The following AKAP6 variants were observed in gnomAD, a reference collection of about 807,000 sequenced individuals.
The protein encoded by AKAP6 is A-kinase anchoring protein 6, also known as A-kinase anchor protein 6.
A neutral mutation model predicts 188.5 loss-of-function variants in AKAP6; 58 were observed. The observed-to-expected ratio is 0.31, with a 90% CI of 0.25 to 0.38. The LOEUF (loss-of-function observed/expected upper bound fraction) is 0.38. AKAP6 is among the 10% of genes least tolerant of loss of function. The pLI, the probability that AKAP6 is intolerant of heterozygous loss-of-function variation, is 1.00. For synonymous variants in AKAP6, 989 were observed against 998.6 expected (o/e 0.99, Z 0.18); for missense variants, 2,710 against 2,740.0 (o/e 0.99, Z 0.24).
chr14:32,468,846 T>G (rs892178873), intron 2 of AKAP6, among the ~76,000 whole-genome samples: 6 of 152,146 alleles, frequency 3.9e-5, no homozygotes, highest in Non-Finnish European at 8.8e-5. Context: ...AACAATCTTA[T>G]TCCACCTTCA....
rs1407739566 is a variant in AKAP6, at chr14:32,837,512, T to C, written c.*7707T>C. On this transcript the variant is annotated 3_prime_UTR_variant, in exon 14 of 14. Transcript: ENST00000280979. The stretch of plus-strand genomic sequence containing the variant: ...AATACTCTAAGGTTTATAGAATTAG[T>C]TTGGTTCCGTTAGTTGATCAAGTTA... 1 of 152,192 alleles carries C rather than the reference T, an allele frequency of 6.6e-6. No individual in the cohort carries two copies. The allele number at this position is 152,192 out of a possible 1,614,324, so 9.4% of individuals were successfully genotyped here. A position where few individuals can be genotyped will look rare whatever the true frequency, so the allele number is the denominator to read the frequency against.
intron 2 of AKAP6, among the ~76,000 whole-genome samples, chr14:32,449,526 A>C (rs1890867050): frequency 1.1e-5 from 1 of 89,884 alleles, no homozygotes; most frequent in Non-Finnish European, 1.8e-5. Context: ...CATCTCAAAA[A>C]AAAAAAAAAA....
intron 4 of AKAP6, among the ~76,000 whole-genome samples, chr14:32,572,255 A>G (rs766741948): frequency 1.3e-5 from 2 of 152,204 alleles, no homozygotes; most frequent in Non-Finnish European, 2.9e-5. Flanking sequence ...GACCATAATC[A>G]ACACCATCTC....
At chr14:32,359,750 A>G (rs904984296) in intron 1 of AKAP6, among the ~76,000 whole-genome samples, 1 of 152,078 alleles carries the variant, frequency 6.6e-6, no homozygotes, top group Middle Eastern at 3.2e-3. Flanking sequence ...ATGTCCTTCA[A>G]TTTGAGTCTG....
chr14:32,660,748 A>G (rs1195174268), intron 7 of AKAP6, among the ~76,000 whole-genome samples: 2 of 152,074 alleles, frequency 1.3e-5, no homozygotes, highest in South Asian at 4.1e-4. Flanking sequence ...GAAAGGTTAG[A>G]TGTTCACAGA....
At chr14:32,683,696 G>T (rs776412758) in intron 8 of AKAP6, among the ~76,000 whole-genome samples, 3 of 152,180 alleles carry the variant, frequency 2.0e-5, no homozygotes, top group Non-Finnish European at 4.4e-5. Context: ...AATGACAAGG[G>T]TGTTTCTCAC....
chr14:32,663,224 G>C (rs554006635), intron 7 of AKAP6, among the ~76,000 whole-genome samples: 1 of 152,110 alleles, frequency 6.6e-6, no homozygotes, highest in African/African-American at 2.4e-5. Flanking sequence ...TTGTTTTCTA[G>C]TACAAGAAGA....
chr14:32,777,982 T>A (rs2033120296), intron 12 of AKAP6, among the ~76,000 whole-genome samples: 1 of 152,138 alleles, frequency 6.6e-6, no homozygotes, highest in Non-Finnish European at 1.5e-5. Context: ...GTGGCTGCAG[T>A]GAGCTGTGTT....
chr14:32,559,000 T>A (rs1883812301), intron 4 of AKAP6, among the ~76,000 whole-genome samples: 1 of 152,206 alleles, frequency 6.6e-6, no homozygotes, highest in Non-Finnish European at 1.5e-5. Context: ...TAGTTAGAAA[T>A]AACTTTGTTA....
chr14:32,546,623 A>G lies in AKAP6; in HGVS notation c.1970A>G (p.Lys657Arg). 1 of 1,614,186 alleles carries G rather than the reference A, an allele frequency of 6.2e-7. No homozygotes were observed. Among genetic ancestry groups the G allele is most frequent in the East Asian group, 2.2e-5 (1 of 44,878 alleles). ...AACCTAACAAAGCTTCTGCCTCAGA[A>G]ACCCAGAGGAGAAACCATCCAGAAT... ...LENLTKLLPQ[K>R]PRGETIQNID... Residue 657 changes from lysine (K) to arginine (R), a missense_variant, in exon 4 of 14, where the codon AAA (lysine) becomes AGA (arginine). Lys to Arg is a conservative substitution (Grantham distance 26, BLOSUM62 2). Coordinates refer to ENST00000280979, the MANE Select transcript of AKAP6 (RefSeq NM_004274.5).
intron 2 of AKAP6, among the ~76,000 whole-genome samples, chr14:32,508,346 TA>T (rs1880980150): frequency 6.6e-6 from 1 of 152,178 alleles, no homozygotes; most frequent in Non-Finnish European, 1.5e-5. Flanking sequence ...TGATAGTTCA[TA>T]TGGGAACAGG....
At position 32,545,566 on chromosome 14, in the gene AKAP6, G is replaced by A; in HGVS notation, c.913G>A (p.Gly305Ser). Residue 305 changes from glycine to serine, a missense_variant, in exon 4 of 14, where the codon GGT (glycine) becomes AGT (serine). Gly to Ser is a moderately conservative substitution (Grantham distance 56, BLOSUM62 0). Transcript: ENST00000280979. ...SQVSLSVDDK[G>S]GCEEDNASAV... ...AGTATCTCTCTCAGTAGACGACAAA[G>A]GTGGATGTGAGGAAGACAATGCTTC... The A allele has an allele frequency of 3.7e-6, 6 of 1,614,188 alleles. No homozygotes were observed. Among genetic ancestry groups the A allele is most frequent in the Non-Finnish European group, 5.1e-6 (6 of 1,180,024 alleles).
At chr14:32,575,449 C>G (rs1036680343) in intron 4 of AKAP6, among the ~76,000 whole-genome samples, 2 of 152,102 alleles carry the variant, frequency 1.3e-5, no homozygotes, top group Admixed American at 6.6e-5. Flanking sequence ...TGATGACCAA[C>G]AGAAACCTCA....
Position 32,385,143 on chromosome 14 carries a change from C to G in AKAP6, c.-34-48317C>G, listed in dbSNP as rs201087023. 9.5e-4 allele frequency: 35 copies of G among 36,980 alleles called. No homozygotes were observed. In the East Asian group the frequency reaches 0.022, roughly 24 times the overall value. 2.3% of individuals were successfully genotyped at this position (36,980 alleles called of 1,614,324 possible). A position where few individuals can be genotyped will look rare whatever the true frequency, so the allele number is the denominator to read the frequency against. On this transcript the variant is annotated intron_variant, in intron 1 of 13. Coordinates refer to ENST00000280979, the MANE Select transcript of AKAP6 (RefSeq NM_004274.5). ...AGAAACTCCATCTTGCCTCATGACA[C>G]TCTGAAAAAAAAAAGGGTAGATGTA...
intron 11 of AKAP6, among the ~76,000 whole-genome samples, chr14:32,745,344 C>A (rs969024067): frequency 6.6e-6 from 1 of 152,168 alleles, no homozygotes; most frequent in African/African-American, 2.4e-5. Flanking sequence ...GTAGTTCTTG[C>A]AGACTCAAAG....
intron 2 of AKAP6, among the ~76,000 whole-genome samples, chr14:32,522,707 T>A (rs1344474460): frequency 6.6e-6 from 1 of 152,172 alleles, no homozygotes; most frequent in African/African-American, 2.4e-5. Flanking sequence ...CTGGAGAGGA[T>A]GTGGAGAAAT....
At chr14:32,664,277 G>A (rs1180078345) in intron 7 of AKAP6, among the ~76,000 whole-genome samples, 1 of 152,086 alleles carries the variant, frequency 6.6e-6, no homozygotes, top group Non-Finnish European at 1.5e-5. Flanking sequence ...CAGCAGTGAT[G>A]ATCAATCTAT....
chr14:32,765,910 T>G (rs2032704303), intron 11 of AKAP6, among the ~76,000 whole-genome samples: 1 of 152,162 alleles, frequency 6.6e-6, no homozygotes, highest in Non-Finnish European at 1.5e-5. Flanking sequence ...CCAAGAGGTT[T>G]TCTTAAAATA....
intron 1 of AKAP6, among the ~76,000 whole-genome samples, chr14:32,390,241 TC>T (rs565769411): frequency 5.5e-4 from 84 of 152,274 alleles, no homozygotes; most frequent in African/African-American, 1.9e-3. Context: ...TGAATATTTC[TC>T]CCTTCACTTC....
Sources: gnomAD v4.1 joint callset for allele counts (sites outside exome capture counted in the v4.1 genomes callset) on GRCh38, gnomAD v4.1.1 for gene constraint, MANE v1.5 for transcripts, NCBI Gene and HGNC (gene_info 2026-07-23, HGNC 2026-07-21) for gene names.